The following PLD5 variants were observed in gnomAD, a reference collection of about 807,000 sequenced individuals.
PLD5 encodes the protein phospholipase D family member 5.
In PLD5, 36 loss-of-function variants were observed where a neutral mutation model predicts 61.1. That is an observed-to-expected ratio of 0.59 (90% CI 0.45 to 0.78). PLD5 has a LOEUF of 0.78. PLD5 is among the 30% of genes least tolerant of loss of function. The pLI is 0.00. For missense variants in PLD5, 515 were observed against 644.4 expected, an observed-to-expected ratio of 0.80 and a Z score of 2.17; for synonymous variants, 243 against 242.8, an observed-to-expected ratio of 1.00 and a Z score of -0.01.
At chr1:242,386,695 T>G (rs1319645706) in intron 1 of PLD5, among the ~76,000 whole-genome samples, 1 of 152,102 alleles carries the variant, frequency 6.6e-6, no homozygotes, top group Non-Finnish European at 1.5e-5. Flanking sequence ...GATCAATAAG[T>G]AACAATACAT....
At chr1:242,177,402 C>G (rs1044236696) in intron 5 of PLD5, among the ~76,000 whole-genome samples, 3 of 152,060 alleles carry the variant, frequency 2.0e-5, no homozygotes, top group Admixed American at 2.0e-4. Context: ...ACAACACACA[C>G]CGGGGCCTGT....
intron 1 of PLD5, among the ~76,000 whole-genome samples, chr1:242,518,477 T>G (rs997305204): frequency 6.6e-6 from 1 of 152,212 alleles, no homozygotes; most frequent in Admixed American, 6.5e-5. Flanking sequence ...AACTATGCCA[T>G]CTATCAGTCA....
chr1:242,174,478 G>A (rs1666983414), intron 5 of PLD5, among the ~76,000 whole-genome samples: 1 of 151,938 alleles, frequency 6.6e-6, no homozygotes. Context: ...AACCATTGTG[G>A]AAGTCAGTGT....
intron 1 of PLD5, among the ~76,000 whole-genome samples, chr1:242,352,520 AG>A (rs1660535480): frequency 6.6e-6 from 1 of 152,242 alleles, no homozygotes; most frequent in African/African-American, 2.4e-5. Context: ...ATGGGTGTGC[AG>A]ACATCTTTTC....
chr1:242,313,954 T>C (rs1389662926), intron 2 of PLD5, among the ~76,000 whole-genome samples: 3 of 152,132 alleles, frequency 2.0e-5, no homozygotes, highest in Admixed American at 6.5e-5. Flanking sequence ...AAGGTCATAG[T>C]AGAGCAGTTA....
At chr1:242,329,671 T>C (rs4658476) in intron 2 of PLD5, among the ~76,000 whole-genome samples, 149,402 of 152,344 alleles carry the variant, frequency 0.98, 73,311 homozygotes, top group Non-Finnish European at 1. Context: ...GGGGAGTTAA[T>C]TCTTACTGGT....
upstream of PLD5, among the ~76,000 whole-genome samples, chr1:242,525,624 C>T (rs1017422695): frequency 9.2e-5 from 14 of 152,116 alleles, no homozygotes; most frequent in Non-Finnish European, 4.4e-5. Context: ...CAGGGTGTCT[C>T]GTGTCTGGTT....
intron 2 of PLD5, among the ~76,000 whole-genome samples, chr1:242,336,014 T>C (rs933766861): frequency 1.3e-5 from 2 of 152,220 alleles, no homozygotes; most frequent in Admixed American, 1.3e-4. Flanking sequence ...ATATTTCTCC[T>C]ATGTATGCAG....
intron 9 of PLD5, among the ~76,000 whole-genome samples, chr1:242,091,059 T>C (rs989212315): frequency 6.6e-6 from 1 of 152,142 alleles, no homozygotes; most frequent in African/African-American, 2.4e-5. Flanking sequence ...GACATCTCTA[T>C]GACATTTTCT....
chr1:242,415,325 C>G (rs1461423209), intron 1 of PLD5, among the ~76,000 whole-genome samples: 1 of 152,052 alleles, frequency 6.6e-6, no homozygotes, highest in Non-Finnish European at 1.5e-5. Flanking sequence ...TGTGAAACAG[C>G]AAAAGCCTAG....
intron 2 of PLD5, among the ~76,000 whole-genome samples, chr1:242,329,888 T>G (rs1454693475): frequency 1.3e-5 from 2 of 152,184 alleles, no homozygotes; most frequent in Admixed American, 1.3e-4. Flanking sequence ...GCTTCACAAG[T>G]GTTGAGTATC....
intron 1 of PLD5, among the ~76,000 whole-genome samples, chr1:242,517,072 A>G (rs1669126902): frequency 6.7e-6 from 1 of 149,376 alleles, no homozygotes; most frequent in African/African-American, 2.6e-5. Context: ...ATCCAGTGAC[A>G]GTATTAATTC....
chr1:242,372,182 A>AT (rs1558505013), intron 1 of PLD5, among the ~76,000 whole-genome samples: 1 of 152,084 alleles, frequency 6.6e-6, no homozygotes, highest in South Asian at 2.1e-4. Context: ...CATCATTATT[A>AT]TTTTTTAAAT....
At chr1:242,352,945 A>T (rs1453742675) in intron 1 of PLD5, among the ~76,000 whole-genome samples, 2 of 152,186 alleles carry the variant, frequency 1.3e-5, no homozygotes, top group Non-Finnish European at 2.9e-5. Flanking sequence ...TTAGTTTTCT[A>T]TCAGGTATAT....
At chr1:242,285,266 C>T (rs372442549) in intron 3 of PLD5, among the ~76,000 whole-genome samples, 5 of 152,248 alleles carry the variant, frequency 3.3e-5, no homozygotes, top group East Asian at 1.9e-4. Context: ...TATGGGAGAC[C>T]GTGGTGGGTG....
At chr1:242,467,797 C>T (rs2102945194) in intron 1 of PLD5, among the ~76,000 whole-genome samples, 1 of 152,242 alleles carries the variant, frequency 6.6e-6, no homozygotes, top group South Asian at 2.1e-4. Context: ...CCCTGAGAAG[C>T]ACCATCCCAA....
At chr1:242,133,615 TTCCC>T (rs984749258) in intron 5 of PLD5, among the ~76,000 whole-genome samples, 1 of 152,176 alleles carries the variant, frequency 6.6e-6, no homozygotes, top group African/African-American at 2.4e-5. Flanking sequence ...TCTTTCTTCC[TTCCC>T]TCCCTCCTTT....
At chr1:242,122,083 G>A (rs1662425602) in intron 6 of PLD5, among the ~76,000 whole-genome samples, 1 of 152,120 alleles carries the variant, frequency 6.6e-6, no homozygotes, top group South Asian at 2.1e-4. Flanking sequence ...AGAACTTAAA[G>A]TATAATTTAA....
At chr1:242,227,224 A>T (rs1558369992) in intron 4 of PLD5, among the ~76,000 whole-genome samples, 3 of 151,136 alleles carry the variant, frequency 2.0e-5, no homozygotes, top group East Asian at 1.9e-4. Flanking sequence ...TTTGATTTTT[A>T]TTTTTTTTTA....
Sources: allele counts gnomAD v4.1 joint callset (sites outside exome capture counted in the v4.1 genomes callset), GRCh38; gene constraint gnomAD v4.1.1; transcripts MANE v1.5; gene names NCBI Gene and HGNC (gene_info 2026-07-23, HGNC 2026-07-21).